STXBP5L: variants seen among roughly 807,000 people sequenced by gnomAD.
STXBP5L encodes the protein syntaxin-binding protein 5-like.
In STXBP5L, 65 loss-of-function variants were observed where a neutral mutation model predicts 144.5. That is an observed-to-expected ratio of 0.45 (90% CI 0.37 to 0.55). The LOEUF is 0.55. Ranked by LOEUF, STXBP5L falls within the 20% of genes least tolerant of loss-of-function variation. The pLI is 0.00. For missense variants in STXBP5L, 1,298 were observed against 1,405.5 expected, an observed-to-expected ratio of 0.92 and a Z score of 1.22; for synonymous variants, 505 against 469.6, an observed-to-expected ratio of 1.08 and a Z score of -0.97.
At position 121,379,525 on chromosome 3, in the gene STXBP5L, A is replaced by C. The variant is rs548088257; in HGVS notation, c.2347+639A>C. Reference sequence around the variant, plus strand: ...ATAGGAAAAAAATAATTTTAGGAAGATTTGCTATAGTAATTCTATGCTGTG... The same window carrying C: ...ATAGGAAAAAAATAATTTTAGGAAGCTTTGCTATAGTAATTCTATGCTGTG... On this transcript the variant is annotated intron_variant, in intron 21 of 26. Coordinates refer to ENST00000471454, the MANE Select transcript of STXBP5L (RefSeq NM_001308330.2). Among the ~76,000 whole-genome samples the C allele has an allele frequency of 4.6e-5, 7 of 152,264 alleles. No homozygotes were observed. The South Asian group carries it at 1.5e-3, about 32-fold the overall frequency.
chr3:120,935,633 G>T (rs1292681889), intron 2 of STXBP5L, among the ~76,000 whole-genome samples: 2 of 151,854 alleles, frequency 1.3e-5, no homozygotes, highest in Non-Finnish European at 2.9e-5. Flanking sequence ...AATTTTATTG[G>T]ATACAGAATT....
At chr3:121,095,523 C>A (rs2107756053) in intron 5 of STXBP5L, among the ~76,000 whole-genome samples, 1 of 152,290 alleles carries the variant, frequency 6.6e-6, no homozygotes, top group East Asian at 1.9e-4. Context: ...CTTCTCGCTT[C>A]ATTTCATTCA....
chr3:121,286,716 G>A (rs554891010), intron 19 of STXBP5L, among the ~76,000 whole-genome samples: 1 of 152,064 alleles, frequency 6.6e-6, no homozygotes, highest in East Asian at 1.9e-4. Flanking sequence ...AAGATAGAAA[G>A]ATAGAGTAGC....
Position 121,418,486 on chromosome 3 carries a change from C to G in STXBP5L, c.3376C>G (p.Leu1126Val). 6.2e-7 allele frequency: 1 copy of G among 1,614,036 alleles called. No individual in the cohort carries two copies. The highest frequency in any genetic ancestry group is 8.5e-7 in the Non-Finnish European group (1 of 1,179,978). The change falls in exon 26 of 27, where the codon CTA becomes GTA. Residue 1126 changes from leucine to valine, a missense_variant. Transcript: ENST00000471454. ...TGCACTTGATGAAAGAGGACAGAGGCTAGGAGAGCTGGAAGAGAAAACTGC... is the reference window on the plus strand; with the variant it reads ...TGCACTTGATGAAAGAGGACAGAGGGTAGGAGAGCTGGAAGAGAAAACTGC... ...RIALDERGQR[L>V]GELEEKTAGM... is the part of the protein sequence containing the mutation.
At chr3:121,228,100 A>C (rs1326920266) in intron 11 of STXBP5L, among the ~76,000 whole-genome samples, 1 of 152,238 alleles carries the variant, frequency 6.6e-6, no homozygotes, top group African/African-American at 2.4e-5. Context: ...GTTCACTGCT[A>C]AATAATAGTT....
intron 3 of STXBP5L, among the ~76,000 whole-genome samples, chr3:121,030,284 C>T (rs922554230): frequency 7.9e-5 from 12 of 152,040 alleles, no homozygotes; most frequent in Non-Finnish European, 1.8e-4. Flanking sequence ...AACCCAAATG[C>T]CCATCAGTGA....
intron 3 of STXBP5L, among the ~76,000 whole-genome samples, chr3:121,009,274 A>G (rs1444319313): frequency 2.0e-5 from 3 of 151,972 alleles, no homozygotes; most frequent in African/African-American, 7.2e-5. Context: ...CATACCTTGC[A>G]TGCACTCCCC....
intron 13 of STXBP5L, among the ~76,000 whole-genome samples, chr3:121,239,785 C>G (rs2049607530): frequency 6.6e-6 from 1 of 150,948 alleles, no homozygotes; most frequent in African/African-American, 2.4e-5. Flanking sequence ...GTGCAGCGCA[C>G]CAGCATGGCA....
chr3:121,063,257 A>T (rs929665073), intron 5 of STXBP5L, among the ~76,000 whole-genome samples: 1 of 152,186 alleles, frequency 6.6e-6, no homozygotes, highest in African/African-American at 2.4e-5. Context: ...TCTTTCTAAC[A>T]GTCAGGCCAT....
At chr3:120,952,885 A>G (rs1308566685) in intron 2 of STXBP5L, among the ~76,000 whole-genome samples, 1 of 151,814 alleles carries the variant, frequency 6.6e-6, no homozygotes, top group Non-Finnish European at 1.5e-5. Context: ...TGCAGCCTCA[A>G]CCTCCCAGGC....
chr3:120,958,343 G>T (rs1938298046), intron 3 of STXBP5L, among the ~76,000 whole-genome samples: 1 of 152,102 alleles, frequency 6.6e-6, no homozygotes, highest in African/African-American at 2.4e-5. Flanking sequence ...GGAGGAGCTG[G>T]TACCATTCCT....
intron 9 of STXBP5L, chr3:121,159,041 AG>A (rs1439704047): frequency 1.3e-5 from 2 of 152,060 alleles, no homozygotes; most frequent in African/African-American, 4.8e-5. Context: ...CAATAACATA[AG>A]CACCAGTGAT....
chr3:121,065,889 G>C (rs1045659000), intron 5 of STXBP5L, among the ~76,000 whole-genome samples: 1 of 152,118 alleles, frequency 6.6e-6, no homozygotes, highest in Admixed American at 6.5e-5. Flanking sequence ...TTGTTGGATT[G>C]AGGGCCTCAA....
At chr3:121,360,593 G>A (rs1227279068) in intron 20 of STXBP5L, among the ~76,000 whole-genome samples, 1 of 151,878 alleles carries the variant, frequency 6.6e-6, no homozygotes, top group East Asian at 1.9e-4. Context: ...TTACCATGAG[G>A]CATGCGAATA....
At chr3:121,005,677 T>G (rs999786696) in intron 3 of STXBP5L, among the ~76,000 whole-genome samples, 1 of 152,216 alleles carries the variant, frequency 6.6e-6, no homozygotes, top group Non-Finnish European at 1.5e-5. Context: ...CTGCTTTCTC[T>G]TGTGGGCGTT....
intron 10 of STXBP5L, among the ~76,000 whole-genome samples, chr3:121,211,020 G>A (rs1199023801): frequency 6.6e-6 from 1 of 152,120 alleles, no homozygotes; most frequent in East Asian, 1.9e-4. Flanking sequence ...ATTACATTGG[G>A]CAGTATTGCC....
chr3:121,109,325 C>T (rs913238328), intron 5 of STXBP5L, among the ~76,000 whole-genome samples: 3 of 151,778 alleles, frequency 2.0e-5, no homozygotes, highest in Admixed American at 6.6e-5. Flanking sequence ...ATTATGGTGC[C>T]GATTTGAGAT....
At chr3:121,410,813 T>C (rs2047098317) in intron 23 of STXBP5L, among the ~76,000 whole-genome samples, 1 of 152,106 alleles carries the variant, frequency 6.6e-6, no homozygotes, top group Admixed American at 6.6e-5. Context: ...TCTTTTTTTC[T>C]TCTGTTATAA....
intron 23 of STXBP5L, 72 bp downstream of exon 23, chr3:121,407,675 T>C: frequency 3.2e-6 from 5 of 1,578,480 alleles, no homozygotes; most frequent in South Asian, 1.1e-5. Flanking sequence ...AAAATATATG[T>C]GTTATGTGCA....
Sources: gnomAD v4.1 joint callset for allele counts (sites outside exome capture counted in the v4.1 genomes callset) on GRCh38, gnomAD v4.1.1 for gene constraint, MANE v1.5 for transcripts, NCBI Gene and HGNC (gene_info 2026-07-23, HGNC 2026-07-21) for gene names.